Variants in SND1 observed in about 807,000 individuals in gnomAD.
The protein encoded by SND1 is staphylococcal nuclease and tudor domain containing 1.
Under a neutral mutation model 121.7 loss-of-function variants are expected in SND1, and 38 were observed. That is an observed-to-expected ratio of 0.31 (90% confidence interval 0.24 to 0.41). SND1 has a LOEUF of 0.41. SND1 is among the 10% of genes least tolerant of loss of function. The pLI is 1.00. For synonymous variants in SND1, 401 were observed against 447.4 expected, an observed-to-expected ratio of 0.90 and a Z score of 1.31; for missense variants, 868 against 1,184.6, an observed-to-expected ratio of 0.73 and a Z score of 3.92.
chr7:127,808,491 C>G (rs1222016710), intron 11 of SND1, among the ~76,000 whole-genome samples: 3 of 152,174 alleles, frequency 2.0e-5, no homozygotes, highest in African/African-American at 7.2e-5. Context: ...AAGCCTCTGA[C>G]TTTTGAACTA....
intron 10 of SND1, among the ~76,000 whole-genome samples, chr7:127,792,394 G>T (rs181537401): frequency 5.3e-5 from 8 of 152,140 alleles, no homozygotes; most frequent in African/African-American, 1.7e-4. Flanking sequence ...TGCAGAGAGG[G>T]TGCTTTTAGC....
chr7:127,749,234 A>C (rs955907177), intron 10 of SND1, among the ~76,000 whole-genome samples: 1 of 152,038 alleles, frequency 6.6e-6, no homozygotes, highest in African/African-American at 2.4e-5. Context: ...CATGTTGCCC[A>C]GGCTGGTCTT....
chr7:127,837,070 T>C (rs1276359856), intron 11 of SND1, among the ~76,000 whole-genome samples: 2 of 152,258 alleles, frequency 1.3e-5, no homozygotes, highest in African/African-American at 4.8e-5. Context: ...TATTTTATTT[T>C]TGATACCAGG....
intron 16 of SND1, among the ~76,000 whole-genome samples, chr7:128,013,708 A>G (rs190965775): frequency 1.3e-5 from 2 of 152,330 alleles, no homozygotes; most frequent in Admixed American, 1.3e-4. Context: ...GCAGTTCACT[A>G]TAGGGTTCAA....
chr7:128,027,710 A>G (rs1434275435), intron 16 of SND1: 2 of 152,236 alleles, frequency 1.3e-5, no homozygotes, highest in East Asian at 1.9e-4. Context: ...ATTGTCTACA[A>G]TCATGTGTCA....
At chr7:127,903,222 G>A (rs1430164765) in intron 13 of SND1, among the ~76,000 whole-genome samples, 4 of 151,662 alleles carry the variant, frequency 2.6e-5, no homozygotes, top group Admixed American at 6.6e-5. Context: ...ACAGGGTTTC[G>A]CATATTGGCC....
chr7:127,945,540 A>T (rs943907729), intron 15 of SND1, among the ~76,000 whole-genome samples: 1 of 152,112 alleles, frequency 6.6e-6, no homozygotes, highest in African/African-American at 2.4e-5. Flanking sequence ...TACAGTTTCC[A>T]TAGAGAAAGA....
At chr7:127,783,417 C>T (rs1683700057) in intron 10 of SND1, among the ~76,000 whole-genome samples, 1 of 152,160 alleles carries the variant, frequency 6.6e-6, no homozygotes. Context: ...GATTCTTTTT[C>T]CCCTGATGAA....
intron 16 of SND1, among the ~76,000 whole-genome samples, chr7:128,033,975 C>A (rs1792701397): frequency 6.6e-6 from 1 of 152,200 alleles, no homozygotes; most frequent in African/African-American, 2.4e-5. Context: ...CTTGTTTAAT[C>A]TTCATTTACC....
At chr7:127,921,662 A>G (rs181957091) in intron 14 of SND1, among the ~76,000 whole-genome samples, 20 of 152,286 alleles carry the variant, frequency 1.3e-4, no homozygotes, top group Non-Finnish European at 2.5e-4. Flanking sequence ...TGAGAAACGT[A>G]TATTTATGAA....
At chr7:127,975,567 C>T (rs368559611) in intron 15 of SND1, among the ~76,000 whole-genome samples, 12 of 152,064 alleles carry the variant, frequency 7.9e-5, no homozygotes, top group African/African-American at 2.4e-4. Context: ...AATGGCCTGA[C>T]AGAGAGCAGG....
chr7:128,062,231 A>G (rs73238088), intron 16 of SND1, among the ~76,000 whole-genome samples: 31,424 of 152,252 alleles, frequency 0.21, 3,674 homozygotes, highest in Middle Eastern at 0.29. Flanking sequence ...AGCATATGCT[A>G]TGCATCGCTT....
intron 1 of SND1, among the ~76,000 whole-genome samples, chr7:127,681,463 A>AT (rs1316454748): frequency 6.6e-6 from 1 of 152,166 alleles, no homozygotes; most frequent in Non-Finnish European, 1.5e-5. Context: ...GATAGTGTCC[A>AT]TTGAAGCACA....
At chr7:127,731,434 G>A (rs551656632) in intron 10 of SND1, among the ~76,000 whole-genome samples, 2 of 152,260 alleles carry the variant, frequency 1.3e-5, no homozygotes, top group Admixed American at 6.5e-5. Flanking sequence ...TCCTTTCAAC[G>A]TAGCCGGCTC....
In SND1 at chr7:128,029,538, C is replaced by T. The variant is rs764537457; in HGVS notation, c.1779+38482C>T. Reference sequence around the variant, plus strand: ...AGTCCGACACTTAAGTTCTGCCATCCGACCCTCAGAAATGTTGAGGTCTCG... The same window carrying T: ...AGTCCGACACTTAAGTTCTGCCATCTGACCCTCAGAAATGTTGAGGTCTCG... On this transcript the variant is annotated intron_variant, in intron 16 of 23. Coordinates refer to ENST00000354725, the MANE Select transcript of SND1 (RefSeq NM_014390.4). This position sits in a 1 kb window ranked among gnomAD's most constrained non-coding sequence, Gnocchi z 4.2. The T allele has an allele frequency of 6.2e-7, 1 of 1,614,010 alleles. No individual in the cohort carries two copies. The highest frequency in any genetic ancestry group is 1.1e-5 in the South Asian group (1 of 91,076).
intron 10 of SND1, among the ~76,000 whole-genome samples, chr7:127,778,108 TC>T (rs1487794153): frequency 6.6e-6 from 1 of 152,178 alleles, no homozygotes; most frequent in Admixed American, 6.5e-5. Flanking sequence ...CCCCTTACCT[TC>T]CATCTAGAGT....
intron 11 of SND1, among the ~76,000 whole-genome samples, chr7:127,833,163 G>A (rs1798795682): frequency 6.6e-6 from 1 of 151,752 alleles, no homozygotes; most frequent in Admixed American, 6.6e-5. Context: ...GACAACCGGA[G>A]ACTTCTGTGT....
At chr7:127,755,739 G>C (rs1053903916) in intron 10 of SND1, among the ~76,000 whole-genome samples, 3 of 152,214 alleles carry the variant, frequency 2.0e-5, no homozygotes, top group Non-Finnish European at 4.4e-5. Flanking sequence ...GTTTCAGACC[G>C]GCTCCCTGTA....
At chr7:127,806,090 G>A (rs1161447073) in intron 10 of SND1, among the ~76,000 whole-genome samples, 1 of 152,156 alleles carries the variant, frequency 6.6e-6, no homozygotes, top group African/African-American at 2.4e-5. Context: ...AAACAAATGG[G>A]TCTTTTTTGT....
Sources: allele counts gnomAD v4.1 joint callset (sites outside exome capture counted in the v4.1 genomes callset), GRCh38; gene constraint gnomAD v4.1.1; non-coding constraint Gnocchi (gnomAD v3.1); transcripts MANE v1.5; gene names NCBI Gene and HGNC (gene_info 2026-07-23, HGNC 2026-07-21).